The following GFPT2 variants were observed in gnomAD, a reference collection of about 807,000 sequenced individuals.
GFPT2 encodes glutamine--fructose-6-phosphate transaminase 2, also known as glutamine--fructose-6-phosphate aminotransferase [isomerizing] 2.
Under a neutral mutation model 85.6 loss-of-function variants are expected in GFPT2, and 62 were observed. That is an observed-to-expected ratio of 0.72 (90% CI 0.59 to 0.90). GFPT2 has a LOEUF of 0.90. GFPT2 is among the 40% of genes least tolerant of loss of function. The pLI, the probability that GFPT2 is intolerant of heterozygous loss-of-function variation, is 0.00. For synonymous variants in GFPT2, 368 were observed against 344.5 expected (o/e 1.07, Z -0.75); for missense variants, 788 against 893.4 (o/e 0.88, Z 1.50).
chr5:180,313,337 A>G (rs7735562), intron 14 of GFPT2, among the ~76,000 whole-genome samples: 17,464 of 151,614 alleles, frequency 0.12, 1,267 homozygotes, highest in African/African-American at 0.2. Context: ...CACGCCTGTA[A>G]TCCCAGCACT....
In GFPT2 at chr5:180,324,832, A is replaced by T; in HGVS notation, c.660T>A (p.Pro220=). 1 of 1,604,510 alleles carries T rather than the reference A, an allele frequency of 6.2e-7. No homozygotes were observed. Among genetic ancestry groups the T allele is most frequent in the Non-Finnish European group, 8.5e-7 (1 of 1,171,242 alleles). The change falls in exon 8 of 19, where the codon CCT becomes CCA. Residue 220 remains proline (P), a synonymous_variant. Transcript: ENST00000253778. ...GAAACTTACACGTCCTGTATAAGAT[A>T]GGGATCTGTTCTGTGGAGAGCTTGT... The part of the protein sequence containing the change: ...SKYKLSTEQI[P]ILYRTCTLEN...
chr5:180,324,131 G>C (rs1764168489), intron 9 of GFPT2, 57 bp downstream of exon 9: 1 of 964,250 alleles, frequency 1.0e-6, no homozygotes, highest in Admixed American at 1.9e-5. Context: ...GCAGTGTTTA[G>C]ACAGGCATTC....
At chr5:180,338,193 G>A (rs938317485) in intron 2 of GFPT2, among the ~76,000 whole-genome samples, 11 of 152,058 alleles carry the variant, frequency 7.2e-5, no homozygotes, top group African/African-American at 1.4e-4. Flanking sequence ...GGCACCGCAC[G>A]GCAGAGCAGC....
intron 1 of GFPT2, 180 bp downstream of exon 1, chr5:180,353,031 G>C: frequency 2.3e-6 from 1 of 429,484 alleles, no homozygotes; most frequent in Non-Finnish European, 3.8e-6. Context: ...GCCACTCGGG[G>C]AACGCGGGTG....
intron 4 of GFPT2, among the ~76,000 whole-genome samples, chr5:180,332,187 C>T (rs547642107): frequency 2.9e-5 from 4 of 139,918 alleles, no homozygotes; most frequent in South Asian, 2.6e-4. Flanking sequence ...CCAGCTCACG[C>T]GGGCGGCTTC....
rs1022604725 is a variant in GFPT2, at chr5:180,313,719, C to G, written c.1431+88G>C. ...GGAAGGGGAAAGAAAGGCGGTGGCG[C>G]GGGCAGAGCAGGCCGGAGGAGGGCG... On this transcript the variant is annotated intron_variant, in intron 14 of 18. Coordinates refer to ENST00000253778, the MANE Select transcript of GFPT2 (RefSeq NM_005110.4). 3.5e-6 allele frequency: 4 copies of G among 1,156,468 alleles called. No homozygotes were observed. The African/African-American group carries it at 4.8e-5, about 14-fold the overall frequency. 71.6% of individuals were successfully genotyped at this position (1,156,468 alleles called of 1,614,324 possible).
At chr5:180,312,406 G>T in intron 15 of GFPT2, 24 bp downstream of exon 15, 1 of 1,205,782 alleles carries the variant, frequency 8.3e-7, no homozygotes, top group Non-Finnish European at 1.2e-6. Context: ...CTGAAAACAT[G>T]GAAAGCTGAA....
chr5:180,315,230 T>A (rs955684075), intron 13 of GFPT2, among the ~76,000 whole-genome samples: 1 of 151,348 alleles, frequency 6.6e-6, no homozygotes, highest in East Asian at 1.9e-4. Context: ...CAGGCTGGAG[T>A]GCAGTGGCGC....
intron 1 of GFPT2, among the ~76,000 whole-genome samples, chr5:180,352,163 G>A (rs577318887): frequency 4.7e-4 from 72 of 152,176 alleles, no homozygotes; most frequent in Non-Finnish European, 5.4e-4. Context: ...GTTCCCTTCT[G>A]CCGAGCAGCT....
At position 180,331,677 on chromosome 5, in the gene GFPT2, A is replaced by G. The variant is rs1437204948; in HGVS notation, c.341-124T>C. The G allele has an allele frequency of 4.3e-6, 3 of 699,790 alleles. No homozygotes were observed. The African/African-American group carries it at 5.3e-5, about 12-fold the overall frequency. 43.3% of individuals were successfully genotyped at this position (699,790 alleles called of 1,614,324 possible). A position where few individuals can be genotyped will look rare whatever the true frequency, so the allele number is the denominator to read the frequency against. ...AGGCCTCAAGACTTCTGTTAAGCAC[A>G]CTTTGTTTACAGTGATTAGCACAGA... On this transcript the variant is annotated intron_variant, in intron 4 of 18. Transcript: ENST00000253778.
rs532764596 is a variant in GFPT2, at chr5:180,324,874, G to A, written c.618C>T (p.Ile206=). 8 of 1,610,478 alleles carry A rather than the reference G, an allele frequency of 5.0e-6. No homozygotes were observed. The highest frequency in any genetic ancestry group is 1.7e-4 in the Middle Eastern group (1 of 6,050). The stretch of plus-strand genomic sequence containing the variant: ...AGAGCTTGTATTTGCTCCGGACTCC[G>A]ATGAGCAGGGGGCTGCCTCTCCTGT... ...VATRRGSPLL[I]GVRSKYKLST... Residue 206 remains isoleucine, a synonymous_variant, in exon 8 of 19, where the codon ATC becomes ATT. Coordinates refer to ENST00000253778, the MANE Select transcript of GFPT2 (RefSeq NM_005110.4).
rs1763675101 is a variant in GFPT2, at chr5:180,301,668, CACAG to C, written c.2005-64_2005-61del. The C allele has an allele frequency of 3.1e-5, 42 of 1,351,698 alleles. 1 individual carries two copies. In the South Asian group the frequency reaches 4.6e-4, roughly 15 times the overall value. The allele number at this position is 1,351,698 out of a possible 1,614,324, so 83.7% of individuals were successfully genotyped here. A position where few individuals can be genotyped will look rare whatever the true frequency, so the allele number is the denominator to read the frequency against. ...AAGATCTCAGCAACATGCTACCTCT[CACAG>C]ACAATTTTCAGAGTACTTAAAAACA... On this transcript the variant is annotated intron_variant, in intron 18 of 18. Coordinates refer to ENST00000253778, the MANE Select transcript of GFPT2 (RefSeq NM_005110.4).
chr5:180,335,612 G>A lies in GFPT2; in HGVS notation c.340+216C>T, dbSNP rs566842610. Among the ~76,000 whole-genome samples the A allele has an allele frequency of 2.7e-3, 411 of 152,364 alleles. 1 individual carries two copies. The highest frequency in any genetic ancestry group is 4.9e-3 in the Non-Finnish European group (331 of 68,048). Reference sequence around the variant, plus strand: ...ATCGTTTTCCTGTGCACTCCTGGGAGGCCAGCACCACCCTAGGACCAGGCT... The same window carrying A: ...ATCGTTTTCCTGTGCACTCCTGGGAAGCCAGCACCACCCTAGGACCAGGCT... On this transcript the variant is annotated intron_variant, in intron 4 of 18. Coordinates refer to ENST00000253778, the MANE Select transcript of GFPT2 (RefSeq NM_005110.4).
At chr5:180,312,667 C>A (rs1265881578) in intron 14 of GFPT2, 123 bp from the exon 15 acceptor site, 2 of 606,026 alleles carry the variant, frequency 3.3e-6, no homozygotes. Flanking sequence ...CGGCTCACTG[C>A]AGCCTCAACC....
In GFPT2 at chr5:180,330,188, G is replaced by C. The variant is rs148845097; in HGVS notation, c.534+512C>G. Among the ~76,000 whole-genome samples, 594 of 152,270 alleles carry C rather than the reference G, an allele frequency of 3.9e-3. 14 individuals carry two copies. In the South Asian group the frequency reaches 0.064, roughly 17 times the overall value. On this transcript the variant is annotated intron_variant, in intron 6 of 18. Coordinates refer to ENST00000253778, the MANE Select transcript of GFPT2 (RefSeq NM_005110.4). This position sits in a 1 kb window ranked among gnomAD's most constrained non-coding sequence, Gnocchi z 4.4. ...GTACAAAAATTAGCCAGGTGTGGTG[G>C]TGCGTGCCTGTAGTCTCAGCTAACT...
Position 180,312,450 on chromosome 5 carries a change from C to G in GFPT2, c.1526G>C (p.Arg509Pro). 1 of 1,594,346 alleles carries G rather than the reference C, an allele frequency of 6.3e-7. No homozygotes were observed. The highest frequency in any genetic ancestry group is 8.6e-7 in the Non-Finnish European group (1 of 1,161,930). ...SLQNRRQEIIRGLRSLPELIK... is the reference protein window; with the variant it reads ...SLQNRRQEIIPGLRSLPELIK... Reference sequence around the variant, plus strand: ...CATACCAGGTAAAGATCTCAAGCCACGGATGATCTCTTGCCTCCTGTTTTG... The same window carrying G: ...CATACCAGGTAAAGATCTCAAGCCAGGGATGATCTCTTGCCTCCTGTTTTG... Residue 509 changes from arginine (R) to proline (P), a missense_variant, in exon 15 of 19, where the codon CGT becomes CCT. Arg to Pro is a moderately radical substitution (Grantham distance 103, BLOSUM62 -2). Coordinates refer to ENST00000253778, the MANE Select transcript of GFPT2 (RefSeq NM_005110.4).
intron 17 of GFPT2, among the ~76,000 whole-genome samples, chr5:180,303,526 C>T (rs1763719808): frequency 6.6e-6 from 1 of 152,142 alleles, no homozygotes; most frequent in African/African-American, 2.4e-5. Context: ...GGCCAGATAA[C>T]GCAGGACTGT....
chr5:180,335,974 T>C, intron 3 of GFPT2, 21 bp from the exon 4 acceptor site: 1 of 1,553,188 alleles, frequency 6.4e-7, no homozygotes. Context: ...GGAAAATCAG[T>C]TTGCCGCACT....
intron 7 of GFPT2, among the ~76,000 whole-genome samples, chr5:180,327,264 C>T (rs1408659616): frequency 6.6e-6 from 1 of 152,202 alleles, no homozygotes; most frequent in African/African-American, 2.4e-5. Flanking sequence ...GCCTTTGAGG[C>T]CCTGGAGCAG....
Sources: allele counts gnomAD v4.1 joint callset (sites outside exome capture counted in the v4.1 genomes callset), GRCh38; gene constraint gnomAD v4.1.1; non-coding constraint Gnocchi (gnomAD v3.1); transcripts MANE v1.5; gene names NCBI Gene and HGNC (gene_info 2026-07-23, HGNC 2026-07-21).